Variants in YAE1 observed in about 807,000 individuals in gnomAD.
The protein encoded by YAE1 is YAE1 maturation factor of ABCE1.
YAE1 carries 22 observed loss-of-function variants against 23.0 expected under a neutral mutation model. That is an observed-to-expected ratio of 0.96 (90% CI 0.68 to 1.37). The LOEUF is 1.37. Ranked by LOEUF, YAE1 falls within the 40% of genes most tolerant of loss-of-function variation. The pLI, the probability that YAE1 is intolerant of heterozygous loss-of-function variation, is 0.00. For missense variants in YAE1, 260 were observed against 262.1 expected (o/e 0.99, Z 0.06); for synonymous variants, 101 against 97.0 (o/e 1.04, Z -0.24).
intron 2 of YAE1, chr7:39,609,447 T>A: frequency 1.3e-6 from 1 of 796,238 alleles, no homozygotes; most frequent in Non-Finnish European, 1.9e-6. Context: ...AAAGTAATGA[T>A]GTTATCAAAT....
In YAE1 at chr7:39,566,587, G is replaced by A. The variant is rs1251129113; in HGVS notation, c.129+40G>A. On this transcript the variant is annotated intron_variant, in intron 1 of 2. Coordinates refer to ENST00000223273, the MANE Select transcript of YAE1 (RefSeq NM_020192.5). ...GACGGCGCGGGGTGCTGGGTTGTGG[G>A]AAGAGGCGCGGAGTTGTGAAGAAGC... 4 of 1,609,960 alleles carry A rather than the reference G, an allele frequency of 2.5e-6. No homozygotes were observed. In the African/African-American group the frequency reaches 4.0e-5, roughly 16 times the overall value.
chr7:39,581,817 A>G (rs117607042), intron 2 of YAE1, among the ~76,000 whole-genome samples: 11,238 of 152,106 alleles, frequency 0.074, 440 homozygotes, highest in East Asian at 0.12. Context: ...GGCTGCAGTG[A>G]GCCGTGATCC....
In YAE1 at chr7:39,569,315, C is replaced by T. The variant is rs115189364; in HGVS notation, c.130-1191C>T. 1.3e-3 allele frequency: 391 copies of T among 306,866 alleles called. 1 individual carries two copies. Among genetic ancestry groups the T allele is most frequent in the African/African-American group, 8.0e-3 (358 of 44,672 alleles). 19.0% of individuals were successfully genotyped at this position (306,866 alleles called of 1,614,324 possible). A position where few individuals can be genotyped will look rare whatever the true frequency, so the allele number is the denominator to read the frequency against. The stretch of plus-strand genomic sequence containing the variant: ...CAAGCAAGTCACAGTTCACTTCAAA[C>T]CAAAAGAAATAATCAGTCTTCTGTT... On this transcript the variant is annotated intron_variant, in intron 1 of 2. Transcript: ENST00000223273.
chr7:39,572,817 A>G lies in YAE1; in HGVS notation c.*111A>G, dbSNP rs1021195288. The G allele has an allele frequency of 2.1e-6, 3 of 1,422,214 alleles. No individual in the cohort carries two copies. The African/African-American group carries it at 4.3e-5, about 20-fold the overall frequency. The allele number at this position is 1,422,214 out of a possible 1,614,324, so 88.1% of individuals were successfully genotyped here. ...CACCTCAACTGTAGGGTTACCCTTT[A>G]TGGAAGTTTGAAATTAACACTATTG... On this transcript the variant is annotated 3_prime_UTR_variant, in exon 3 of 3. Coordinates refer to ENST00000223273, the MANE Select transcript of YAE1 (RefSeq NM_020192.5).
At position 39,566,405 on chromosome 7, in the gene YAE1, T is replaced by G; in HGVS notation, c.-14T>G. 1 of 1,611,734 alleles carries G rather than the reference T, an allele frequency of 6.2e-7. No individual in the cohort carries two copies. Among genetic ancestry groups the G allele is most frequent in the Admixed American group, 1.7e-5 (1 of 59,968 alleles). ...GCGCTTCCGGTGGCCTGCGACCCCGTAATTGCCTCGGTGATGTCGTGGGTT... is the reference window on the plus strand; with the variant it reads ...GCGCTTCCGGTGGCCTGCGACCCCGGAATTGCCTCGGTGATGTCGTGGGTT... On this transcript the variant is annotated 5_prime_UTR_variant, in exon 1 of 3. Transcript: ENST00000223273.
In YAE1 at chr7:39,570,142, C is replaced by A. The variant is rs1414400822; in HGVS notation, c.130-364C>A. 8 of 808,474 alleles carry A rather than the reference C, an allele frequency of 9.9e-6. No homozygotes were observed. The East Asian group carries it at 1.2e-4, about 13-fold the overall frequency. The allele number at this position is 808,474 out of a possible 1,614,324, so 50.1% of individuals were successfully genotyped here. A position where few individuals can be genotyped will look rare whatever the true frequency, so the allele number is the denominator to read the frequency against. ...GCCGCCTGTGGGTCCAGGGAGCACCCCCAAGCAACAGTACCAGGACTGCCA... is the reference window on the plus strand; with the variant it reads ...GCCGCCTGTGGGTCCAGGGAGCACCACCAAGCAACAGTACCAGGACTGCCA... On this transcript the variant is annotated intron_variant, in intron 1 of 2. Transcript: ENST00000223273.
intron 2 of YAE1, among the ~76,000 whole-genome samples, chr7:39,580,748 A>T (rs767959340): frequency 4.6e-5 from 7 of 152,214 alleles, no homozygotes; most frequent in Admixed American, 1.3e-4. Flanking sequence ...AGTTGGGTGG[A>T]TGAGGAGGGC....
At chr7:39,603,912 C>T (rs1191072633) in intron 2 of YAE1, among the ~76,000 whole-genome samples, 1 of 152,136 alleles carries the variant, frequency 6.6e-6, no homozygotes, top group African/African-American at 2.4e-5. Context: ...AGATCTTCCG[C>T]CAACTGTGAG....
At chr7:39,576,147 T>C (rs1790655120), downstream of YAE1, among the ~76,000 whole-genome samples, 1 of 152,196 alleles carries the variant, frequency 6.6e-6, no homozygotes, top group Admixed American at 6.5e-5. Flanking sequence ...TGTGCCATCA[T>C]ACCCTACTTC....
chr7:39,596,684 T>C (rs1029844201), intron 2 of YAE1, among the ~76,000 whole-genome samples: 8 of 152,246 alleles, frequency 5.3e-5, no homozygotes, highest in Non-Finnish European at 7.3e-5. Flanking sequence ...AAATTACTTA[T>C]GACGTTACGT....
At chr7:39,587,362 C>T (rs140680094) in intron 2 of YAE1, among the ~76,000 whole-genome samples, 343 of 150,846 alleles carry the variant, frequency 2.3e-3, no homozygotes, top group African/African-American at 7.6e-3. Flanking sequence ...GGCAACAGAG[C>T]GAGACTCTGG....
intron 2 of YAE1, among the ~76,000 whole-genome samples, chr7:39,590,245 T>A (rs546041200): frequency 4.6e-5 from 7 of 152,374 alleles, no homozygotes; most frequent in African/African-American, 1.7e-4. Flanking sequence ...TAAATGGTAA[T>A]CTTTTTAATT....
chr7:39,590,646 T>G (rs1449400936), intron 2 of YAE1, among the ~76,000 whole-genome samples: 1 of 152,228 alleles, frequency 6.6e-6, no homozygotes, highest in Admixed American at 6.5e-5. Flanking sequence ...TACACATAGC[T>G]TTAAGGCCAT....
chr7:39,591,603 T>G (rs941949602), intron 2 of YAE1, among the ~76,000 whole-genome samples: 1 of 151,628 alleles, frequency 6.6e-6, no homozygotes, highest in South Asian at 2.1e-4. Context: ...CCCCCACACA[T>G]GCATAGACTC....
At chr7:39,592,980 C>G (rs923715010) in intron 2 of YAE1, among the ~76,000 whole-genome samples, 2 of 152,064 alleles carry the variant, frequency 1.3e-5, no homozygotes, top group Non-Finnish European at 2.9e-5. Context: ...TGCTGTTTAA[C>G]AAGTCACTGG....
At chr7:39,572,085 C>T (rs988050573) in intron 2 of YAE1, among the ~76,000 whole-genome samples, 192 bp from the exon 3 acceptor site, 9 of 152,074 alleles carry the variant, frequency 5.9e-5, no homozygotes, top group Non-Finnish European at 7.4e-5. Context: ...TTGTATTCAT[C>T]TTCAACAGAT....
At chr7:39,605,672 T>C (rs1204621070) in intron 2 of YAE1, among the ~76,000 whole-genome samples, 1 of 152,226 alleles carries the variant, frequency 6.6e-6, no homozygotes, top group African/African-American at 2.4e-5. Context: ...TCCAGCTCAT[T>C]GCCTGCAGAT....
At chr7:39,574,733 C>CAAAA (rs574580885), downstream of YAE1, among the ~76,000 whole-genome samples, 6 of 78,054 alleles carry the variant, frequency 7.7e-5, no homozygotes, top group African/African-American at 8.1e-5. Context: ...ACTCTGTCTC[C>CAAAA]AAAAAAAAAA....
chr7:39,588,582 CCA>C (rs1346834793), intron 2 of YAE1, among the ~76,000 whole-genome samples: 1 of 151,494 alleles, frequency 6.6e-6, no homozygotes, highest in African/African-American at 2.4e-5. Context: ...GCAGGAAACA[CCA>C]CAGTGTTTCT....
Sources: gnomAD v4.1 joint callset for allele counts (sites outside exome capture counted in the v4.1 genomes callset) on GRCh38, gnomAD v4.1.1 for gene constraint, MANE v1.5 for transcripts, NCBI Gene and HGNC (gene_info 2026-07-23, HGNC 2026-07-21) for gene names.